The following DIAPH3 variants were observed in gnomAD, a reference collection of about 807,000 sequenced individuals.
The protein encoded by DIAPH3 is diaphanous related formin 3.
In DIAPH3, 117 loss-of-function variants were observed where a neutral mutation model predicts 144.3. The ratio of observed to expected loss-of-function variants is 0.81; its 90% confidence interval spans 0.70 to 0.95. The LOEUF (loss-of-function observed/expected upper bound fraction) is 0.95, where lower values mean the gene tolerates loss of function less well. DIAPH3 is among the 40% of genes least tolerant of loss of function. The pLI is 0.00. For synonymous variants in DIAPH3, 519 were observed against 488.9 expected, an observed-to-expected ratio of 1.06 and a Z score of -0.81; for missense variants, 1,421 against 1,412.7, an observed-to-expected ratio of 1.01 and a Z score of -0.09.
chr13:59,734,081 G>A (rs2036022453), intron 27 of DIAPH3, among the ~76,000 whole-genome samples: 1 of 152,156 alleles, frequency 6.6e-6, no homozygotes, highest in Non-Finnish European at 1.5e-5. Flanking sequence ...CTTTCATTGT[G>A]TTTAGTTCCT....
intron 27 of DIAPH3, among the ~76,000 whole-genome samples, chr13:59,749,826 A>T (rs1266878087): frequency 3.9e-5 from 6 of 152,154 alleles, no homozygotes; most frequent in African/African-American, 1.4e-4. Flanking sequence ...GAATGAAACT[A>T]ATTTGTTTAG....
chr13:59,948,385 C>A (rs1481920721), intron 17 of DIAPH3, among the ~76,000 whole-genome samples: 1 of 152,142 alleles, frequency 6.6e-6, no homozygotes, highest in Admixed American at 6.5e-5. Context: ...TCCAAGAAAC[C>A]TGCTCTTAAC....
At chr13:59,737,007 T>G (rs1212689911) in intron 27 of DIAPH3, among the ~76,000 whole-genome samples, 4 of 151,990 alleles carry the variant, frequency 2.6e-5, no homozygotes, top group Non-Finnish European at 4.4e-5. Flanking sequence ...TAACACGAGA[T>G]GGACTAAGGA....
chr13:60,145,443 C>T (rs7320446), intron 1 of DIAPH3, among the ~76,000 whole-genome samples: 8,389 of 152,200 alleles, frequency 0.055, 756 homozygotes, highest in African/African-American at 0.19. Context: ...GTCAGGAGAT[C>T]GAGACCATCC....
intron 25 of DIAPH3, among the ~76,000 whole-genome samples, chr13:59,793,911 A>G (rs886437425): frequency 6.6e-6 from 1 of 152,180 alleles, no homozygotes; most frequent in African/African-American, 2.4e-5. Flanking sequence ...GGTAACCTGG[A>G]TGTCCTAGAG....
At chr13:60,077,751 G>A (rs186484436) in intron 4 of DIAPH3, among the ~76,000 whole-genome samples, 3 of 152,096 alleles carry the variant, frequency 2.0e-5, no homozygotes, top group Admixed American at 6.6e-5. Flanking sequence ...CTCTGCCTTC[G>A]TGGAGCTTCT....
At chr13:59,692,639 C>T (rs907279199) in intron 27 of DIAPH3, among the ~76,000 whole-genome samples, 1 of 152,070 alleles carries the variant, frequency 6.6e-6, no homozygotes, top group African/African-American at 2.4e-5. Context: ...TCAAATGACA[C>T]AGTGAAATAG....
intron 20 of DIAPH3, among the ~76,000 whole-genome samples, chr13:59,889,840 T>C (rs1205670666): frequency 6.6e-6 from 1 of 152,032 alleles, no homozygotes; most frequent in African/African-American, 2.4e-5. Flanking sequence ...GTAAGATTTG[T>C]TTTCTTAGAC....
chr13:60,156,939 A>ATTTTTTTT (rs757042309), intron 1 of DIAPH3, among the ~76,000 whole-genome samples: 16 of 82,024 alleles, frequency 2.0e-4, no homozygotes, highest in South Asian at 3.9e-4. Flanking sequence ...ATATATATAT[A>ATTTTTTTT]TTTTTTTTTT....
rs144956117 is a variant in DIAPH3, at chr13:59,871,534, G to C, written c.2607+7695C>G. On this transcript the variant is annotated intron_variant, in intron 21 of 27. Coordinates refer to ENST00000400324, the MANE Select transcript of DIAPH3 (RefSeq NM_001042517.2). Reference sequence around the variant, plus strand: ...TTACATTTTTTCAAATGCATTTTCTGCATCTATTGGTGAGTTTTCTTCTTT... The same window carrying C: ...TTACATTTTTTCAAATGCATTTTCTCCATCTATTGGTGAGTTTTCTTCTTT... Among the ~76,000 whole-genome samples, 57 of 152,134 alleles carry C rather than the reference G, an allele frequency of 3.7e-4. 1 individual carries two copies. The East Asian group carries it at 0.011, about 29-fold the overall frequency.
intron 24 of DIAPH3, among the ~76,000 whole-genome samples, chr13:59,824,608 G>A (rs113742668): frequency 2.0e-5 from 3 of 152,084 alleles, no homozygotes; most frequent in African/African-American, 7.2e-5. Flanking sequence ...CAATTAAGAT[G>A]GGAGATATAT....
intron 18 of DIAPH3, among the ~76,000 whole-genome samples, chr13:59,922,528 C>T (rs1033546254): frequency 6.6e-6 from 1 of 152,056 alleles, no homozygotes. Context: ...CTACTGACCA[C>T]TGTTTTATTT....
intron 27 of DIAPH3, among the ~76,000 whole-genome samples, chr13:59,749,011 C>T (rs886724605): frequency 2.0e-5 from 3 of 151,514 alleles, no homozygotes; most frequent in East Asian, 1.9e-4. Flanking sequence ...GTCAGGAGTT[C>T]GAGACCAGCC....
chr13:59,838,971 C>T lies in DIAPH3; in HGVS notation c.2862+353G>A, dbSNP rs1301445602. 3.6e-5 allele frequency: 8 copies of T among 223,318 alleles called. No individual in the cohort carries two copies. The East Asian group carries it at 9.0e-4, about 25-fold the overall frequency. 13.8% of individuals were successfully genotyped at this position (223,318 alleles called of 1,614,324 possible). ...TAAAAATACAAAAAAATTAGCTGGG[C>T]ATGGTGGTGCGTGCCTGTAGGCCCA... On this transcript the variant is annotated intron_variant, in intron 23 of 27. Coordinates refer to ENST00000400324, the MANE Select transcript of DIAPH3 (RefSeq NM_001042517.2).
rs768052153 is a variant in DIAPH3, at chr13:59,763,932, C to T, written c.3319+10257G>A. Among the ~76,000 whole-genome samples the T allele has an allele frequency of 4.0e-5, 6 of 151,862 alleles. 1 individual carries two copies. In the South Asian group the frequency reaches 1.2e-3, roughly 32 times the overall value. ...GGTTTCTCTGTGTAATTCTCTTGCT[C>T]CGAGCTAGTACTGTGGGGAGGAGCA... On this transcript the variant is annotated intron_variant, in intron 27 of 27. Coordinates refer to ENST00000400324, the MANE Select transcript of DIAPH3 (RefSeq NM_001042517.2).
chr13:59,959,428 T>C (rs759599938), intron 17 of DIAPH3, among the ~76,000 whole-genome samples: 8 of 152,132 alleles, frequency 5.3e-5, no homozygotes, highest in Non-Finnish European at 1.2e-4. Flanking sequence ...AAAAGGAACT[T>C]TGCACATGTG....
intron 4 of DIAPH3, among the ~76,000 whole-genome samples, chr13:60,061,064 G>A (rs146782860): frequency 6.6e-6 from 1 of 152,002 alleles, no homozygotes; most frequent in Non-Finnish European, 1.5e-5. Context: ...TAGTCTCTGG[G>A]AGCAGAAGGG....
chr13:60,006,107 A>G (rs1325792241), intron 9 of DIAPH3, among the ~76,000 whole-genome samples: 6 of 152,192 alleles, frequency 3.9e-5, no homozygotes, highest in African/African-American at 1.4e-4. Flanking sequence ...TTTTAAATCA[A>G]CGTAGTTTGC....
intron 3 of DIAPH3, among the ~76,000 whole-genome samples, chr13:60,109,551 A>G (rs550831191): frequency 7.9e-5 from 12 of 152,154 alleles, no homozygotes; most frequent in Non-Finnish European, 1.8e-4. Flanking sequence ...TAGAAATGGA[A>G]CAAGCTTGAA....
Sources: allele counts gnomAD v4.1 joint callset (sites outside exome capture counted in the v4.1 genomes callset), GRCh38; gene constraint gnomAD v4.1.1; transcripts MANE v1.5; gene names NCBI Gene and HGNC (gene_info 2026-07-23, HGNC 2026-07-21).